The following SLC17A1 variants were observed in gnomAD, a reference collection of about 807,000 sequenced individuals.
SLC17A1 encodes the protein solute carrier family 17 member 1.
Under a neutral mutation model 53.5 loss-of-function variants are expected in SLC17A1, and 51 were observed. The ratio of observed to expected loss-of-function variants is 0.95; its 90% confidence interval spans 0.76 to 1.20. The LOEUF is 1.20. Ranked by LOEUF, SLC17A1 falls within the 50% of genes most tolerant of loss-of-function variation. The pLI is 0.00. For missense variants in SLC17A1, 538 were observed against 568.2 expected, an observed-to-expected ratio of 0.95 and a Z score of 0.54; for synonymous variants, 179 against 198.8, an observed-to-expected ratio of 0.90 and a Z score of 0.84.
In SLC17A1 at chr6:25,786,457, CA is replaced by C. The variant is rs553651479; in HGVS notation, c.*3-3240del. Among the ~76,000 whole-genome samples, 194 of 152,182 alleles carry C rather than the reference CA, an allele frequency of 1.3e-3. 3 individuals are homozygous for C. The South Asian group carries it at 0.015, about 11-fold the overall frequency. On this transcript the variant is annotated intron_variant, in intron 12 of 12. Coordinates refer to ENST00000244527, the MANE Select transcript of SLC17A1 (RefSeq NM_005074.5). Reference sequence around the variant, plus strand: ...ACAAGACCTCTCCATTTTGTTGGACCAGAGGCTACATGCGTGTTTCCCATGG... The same window carrying C: ...ACAAGACCTCTCCATTTTGTTGGACCGAGGCTACATGCGTGTTTCCCATGG...
At position 25,819,846 on chromosome 6, in the gene SLC17A1, T is replaced by C; in HGVS notation, c.277A>G (p.Ile93Val). The C allele has an allele frequency of 6.2e-7, 1 of 1,614,116 alleles. No individual in the cohort carries two copies. The highest frequency in any genetic ancestry group is 8.5e-7 in the Non-Finnish European group (1 of 1,179,978). The change falls in exon 4 of 13, where the codon ATC (isoleucine) becomes GTC (valine). Residue 93 changes from isoleucine to valine, a missense_variant. Ile to Val is a conservative substitution (Grantham distance 29). Coordinates refer to ENST00000244527, the MANE Select transcript of SLC17A1 (RefSeq NM_005074.5). Reference sequence around the variant, plus strand: ...AAGTATCCAACAGGAACTTGGATGATGATGACACCATAGGAGGTGGAACTC... The same window carrying C: ...AAGTATCCAACAGGAACTTGGATGACGATGACACCATAGGAGGTGGAACTC... ...ILSSTSYGVIIIQVPVGYFSG... is the reference protein window; with the variant it reads ...ILSSTSYGVIVIQVPVGYFSG...
chr6:25,733,007 A>G, the SLC17A1 span, among the ~76,000 whole-genome samples: 2 of 152,224 alleles, frequency 1.3e-5, no homozygotes, highest in African/African-American at 4.8e-5. Context: ...CAATAAGACT[A>G]CAGCTTTCGT....
chr6:25,813,063 G>A (rs1490888815), intron 7 of SLC17A1, 32 bp downstream of exon 7: 4 of 1,610,712 alleles, frequency 2.5e-6, no homozygotes, highest in Non-Finnish European at 2.5e-6. Flanking sequence ...AGTAGAATCT[G>A]GGAGATGCCA....
the SLC17A1 span, among the ~76,000 whole-genome samples, chr6:25,755,916 C>G: frequency 6.6e-6 from 1 of 152,198 alleles, no homozygotes; most frequent in East Asian, 1.9e-4. Flanking sequence ...GATGATTCTT[C>G]CCTTTCTCTC....
chr6:25,785,736 A>G (rs1763368422), intron 12 of SLC17A1, among the ~76,000 whole-genome samples: 1 of 152,202 alleles, frequency 6.6e-6, no homozygotes, highest in Non-Finnish European at 1.5e-5. Flanking sequence ...GATGTTCAAC[A>G]TAATTACTTA....
rs557785876 is a variant in SLC17A1 at position 25,802,108 on chromosome 6, A to G, written c.1179-1128T>C. On this transcript the variant is annotated intron_variant, in intron 10 of 12. Transcript: ENST00000244527. ...GCCCTTTCCACTTTTGCTTTCATGA[A>G]CCTCTTCCCCCATAAAAATATTAAA... is the stretch of plus-strand genomic sequence containing the variant. Among the ~76,000 whole-genome samples the G allele has an allele frequency of 1.5e-4, 23 of 151,952 alleles. 1 individual carries two copies. The highest frequency in any genetic ancestry group is 5.3e-4 in the African/African-American group (22 of 41,456).
the SLC17A1 span, chr6:25,777,564 A>AAACAAC: frequency 0.03 from 4,911 of 162,020 alleles, 197 homozygotes; most frequent in African/African-American, 0.097. Flanking sequence ...GCAGAAGCCA[A>AAACAAC]AACAACAACA....
At chr6:25,771,272 A>G in the SLC17A1 span, among the ~76,000 whole-genome samples, 1 of 152,192 alleles carries the variant, frequency 6.6e-6, no homozygotes, top group African/African-American at 2.4e-5. Flanking sequence ...ATCTCATAAA[A>G]TGTTGAAAAT....
chr6:25,812,948 C>G lies in SLC17A1; in HGVS notation c.780G>C (p.Lys260Asn), dbSNP rs2151492821. The change falls in exon 8 of 13, where the codon AAG becomes AAC. Residue 260 changes from lysine to asparagine, a missense_variant. Physicochemically the swap from Lys to Asn is moderately conservative, Grantham distance 94. Coordinates refer to ENST00000244527, the MANE Select transcript of SLC17A1 (RefSeq NM_005074.5). ...TGGAAATAGCCCAGACTGGAAGCGA[C>G]TTAAGTATAGCCTTGATAGGCAGAG... ...RQSLPIKAIL[K>N]SLPVWAISTG... 1.2e-6 allele frequency: 2 copies of G among 1,614,110 alleles called. No homozygotes were observed. Among genetic ancestry groups the G allele is most frequent in the East Asian group, 4.5e-5 (2 of 44,888 alleles).
chr6:25,769,169 T>A, the SLC17A1 span: 2 of 1,613,888 alleles, frequency 1.2e-6, no homozygotes, highest in Admixed American at 3.3e-5. Flanking sequence ...GGAATGAAAC[T>A]CTAAAAGAAT....
intron 12 of SLC17A1, among the ~76,000 whole-genome samples, chr6:25,795,827 G>A (rs1012910080): frequency 6.6e-6 from 1 of 152,116 alleles, no homozygotes; most frequent in African/African-American, 2.4e-5. Context: ...GGAATGGGAA[G>A]GATTCATAAG....
chr6:25,727,242 G>C, the SLC17A1 span: 1 of 1,613,260 alleles, frequency 6.2e-7, no homozygotes, highest in Admixed American at 1.7e-5. Flanking sequence ...GGCTAAACAT[G>C]CTGTGTCTGA....
At chr6:25,781,655 C>A (rs909314069), downstream of SLC17A1, among the ~76,000 whole-genome samples, 3 of 152,056 alleles carry the variant, frequency 2.0e-5, no homozygotes, top group African/African-American at 7.2e-5. Context: ...GGAGTGTAGG[C>A]CTGTACAGAA....
At chr6:25,773,681 A>C in the SLC17A1 span, 1 of 1,611,888 alleles carries the variant, frequency 6.2e-7, no homozygotes, top group Non-Finnish European at 8.5e-7. Context: ...AGATGTAAGT[A>C]CAGAGAAAGC....
chr6:25,764,604 A>G, the SLC17A1 span, among the ~76,000 whole-genome samples: 1 of 152,210 alleles, frequency 6.6e-6, no homozygotes, highest in Non-Finnish European at 1.5e-5. Context: ...TCCTTGAGGC[A>G]GGGTGCAGTG....
chr6:25,731,774 T>C, the SLC17A1 span: 2 of 1,564,902 alleles, frequency 1.3e-6, no homozygotes, highest in Non-Finnish European at 8.7e-7. Flanking sequence ...CTGCTGGCCC[T>C]ATCATGTTTT....
At chr6:25,825,894 AT>A (rs1764723349) in intron 3 of SLC17A1, among the ~76,000 whole-genome samples, 1 of 151,968 alleles carries the variant, frequency 6.6e-6, no homozygotes, top group Admixed American at 6.6e-5. Flanking sequence ...ATGTTCACTA[AT>A]TATTTCCTCA....
chr6:25,726,433 T>A, the SLC17A1 span: 1 of 1,614,092 alleles, frequency 6.2e-7, no homozygotes, highest in Non-Finnish European at 8.5e-7. Flanking sequence ...AAGCAGACGA[T>A]GGATCCGGCC....
the SLC17A1 span, among the ~76,000 whole-genome samples, chr6:25,727,678 C>T: frequency 3.9e-5 from 6 of 152,038 alleles, no homozygotes; most frequent in African/African-American, 1.2e-4. Context: ...TGAGCCACTG[C>T]GAATATATCC....
Sources: gnomAD v4.1 joint callset for allele counts (sites outside exome capture counted in the v4.1 genomes callset) on GRCh38, gnomAD v4.1.1 for gene constraint, MANE v1.5 for transcripts, NCBI Gene and HGNC (gene_info 2026-07-23, HGNC 2026-07-21) for gene names.